RHOJ: variants seen among roughly 807,000 people sequenced by gnomAD.
The protein encoded by RHOJ is rho-related GTP-binding protein RhoJ.
A neutral mutation model predicts 23.4 loss-of-function variants in RHOJ; 11 were observed. That is an observed-to-expected ratio of 0.47 (90% CI 0.30 to 0.78). RHOJ has a LOEUF of 0.78. RHOJ is among the 30% of genes least tolerant of loss of function. RHOJ has a pLI of 0.08. For synonymous variants in RHOJ, 102 were observed against 102.7 expected (o/e 0.99, Z 0.04); for missense variants, 254 against 273.4 (o/e 0.93, Z 0.50).
chr14:63,287,264 G>A (rs1042383645), intron 4 of RHOJ, among the ~76,000 whole-genome samples: 7 of 152,150 alleles, frequency 4.6e-5, no homozygotes, highest in East Asian at 1.9e-4. Flanking sequence ...AGACAAATTC[G>A]AATCTCTGCC....
chr14:63,274,316 T>C lies in RHOJ; in HGVS notation c.237+5148T>C, dbSNP rs181835356. ...AATTTCTTGCTCACGTGTATCTTCA[T>C]GTGGGATTTTCAGGAGTAGGCAATT... On this transcript the variant is annotated intron_variant, in intron 2 of 4. Coordinates refer to ENST00000316754, the MANE Select transcript of RHOJ (RefSeq NM_020663.5). Among the ~76,000 whole-genome samples the C allele has an allele frequency of 4.0e-3, 604 of 152,278 alleles. 1 individual carries two copies. The highest frequency in any genetic ancestry group is 0.01 in the Middle Eastern group (3 of 294).
chr14:63,208,849 C>T (rs556601168), intron 1 of RHOJ, among the ~76,000 whole-genome samples: 4 of 152,194 alleles, frequency 2.6e-5, no homozygotes, highest in East Asian at 3.9e-4. Context: ...TTCATATATC[C>T]GACTATTTGA....
At chr14:63,219,821 A>C (rs1055996859) in intron 1 of RHOJ, among the ~76,000 whole-genome samples, 1 of 152,078 alleles carries the variant, frequency 6.6e-6, no homozygotes, top group African/African-American at 2.4e-5. Context: ...TCTCAAAAAA[A>C]AAAAAAAAAG....
chr14:63,290,838 C>T, intron 4 of RHOJ, 40 bp from the exon 5 acceptor site: 4 of 1,567,792 alleles, frequency 2.6e-6, no homozygotes. Context: ...GCTTTTCTCT[C>T]TTTTTTATCT....
chr14:63,237,810 A>G (rs1383680190), intron 1 of RHOJ, among the ~76,000 whole-genome samples: 1 of 151,282 alleles, frequency 6.6e-6, no homozygotes, highest in Non-Finnish European at 1.5e-5. Context: ...GGATCGTCAG[A>G]CTATCTCCAT....
intron 4 of RHOJ, chr14:63,288,391 G>A (rs1273616201): frequency 1.0e-6 from 1 of 953,672 alleles, no homozygotes; most frequent in East Asian, 1.2e-4. Context: ...CCTTAGTGGA[G>A]AGGTATTCCA....
At chr14:63,235,247 A>T (rs1330234354) in intron 1 of RHOJ, among the ~76,000 whole-genome samples, 1 of 152,154 alleles carries the variant, frequency 6.6e-6, no homozygotes, top group Non-Finnish European at 1.5e-5. Flanking sequence ...AGGAAAAAAA[A>T]GGTGAAGAGA....
At chr14:63,271,311 T>C (rs1402569122) in intron 2 of RHOJ, among the ~76,000 whole-genome samples, 1 of 152,232 alleles carries the variant, frequency 6.6e-6, no homozygotes, top group Non-Finnish European at 1.5e-5. Flanking sequence ...TTTTCACATA[T>C]AATCTCAAGA....
intron 1 of RHOJ, among the ~76,000 whole-genome samples, chr14:63,235,247 A>G (rs1330234354): frequency 6.6e-5 from 10 of 152,154 alleles, no homozygotes; most frequent in Non-Finnish European, 1.5e-5. Context: ...AGGAAAAAAA[A>G]GGTGAAGAGA....
rs1335777631 is a variant in RHOJ, at chr14:63,211,388, C to T, written c.178+6341C>T. ...GCCAACGCACAAGGATCCCTTGAGCCTAGAAGTTCAAAGTTATAATGAGCC... is the reference window on the plus strand; with the variant it reads ...GCCAACGCACAAGGATCCCTTGAGCTTAGAAGTTCAAAGTTATAATGAGCC... On this transcript the variant is annotated intron_variant, in intron 1 of 4. Transcript: ENST00000316754. 3.9e-5 allele frequency among the ~76,000 whole-genome samples: 6 copies of T among 152,056 alleles called. No individual in the cohort carries two copies. In the South Asian group the frequency reaches 1.2e-3, roughly 32 times the overall value.
At chr14:63,276,801 T>C (rs540126620) in intron 2 of RHOJ, among the ~76,000 whole-genome samples, 1 of 152,350 alleles carries the variant, frequency 6.6e-6, no homozygotes, top group Non-Finnish European at 1.5e-5. Context: ...TGATAGCCAC[T>C]GGGTTAAAAA....
intron 1 of RHOJ, among the ~76,000 whole-genome samples, chr14:63,254,798 A>G (rs1344533745): frequency 6.6e-6 from 1 of 152,154 alleles, no homozygotes; most frequent in Non-Finnish European, 1.5e-5. Context: ...ACAGAGAGCA[A>G]CAGTGGGTAC....
intron 1 of RHOJ, among the ~76,000 whole-genome samples, chr14:63,223,488 C>T (rs1045313459): frequency 6.6e-6 from 1 of 152,228 alleles, no homozygotes; most frequent in Non-Finnish European, 1.5e-5. Flanking sequence ...CAGTGTTTCT[C>T]TTACCGGGAG....
chr14:63,237,718 T>C (rs1894814286), intron 1 of RHOJ, among the ~76,000 whole-genome samples: 1 of 152,244 alleles, frequency 6.6e-6, no homozygotes, highest in Non-Finnish European at 1.5e-5. Flanking sequence ...ATGCTGATGA[T>C]AATTTAGCTA....
intron 1 of RHOJ, among the ~76,000 whole-genome samples, chr14:63,259,340 A>AT (rs1895233905): frequency 1.3e-5 from 2 of 152,174 alleles, no homozygotes; most frequent in South Asian, 4.1e-4. Context: ...GGAGCCAAAT[A>AT]TGCACAAGGC....
chr14:63,258,671 T>C (rs1305641412), intron 1 of RHOJ, among the ~76,000 whole-genome samples: 1 of 152,158 alleles, frequency 6.6e-6, no homozygotes, highest in Non-Finnish European at 1.5e-5. Flanking sequence ...GAAAGGAGAC[T>C]AAACCCTTTA....
At chr14:63,278,668 G>A (rs1031849872) in intron 2 of RHOJ, among the ~76,000 whole-genome samples, 5 of 152,136 alleles carry the variant, frequency 3.3e-5, no homozygotes, top group African/African-American at 9.7e-5. Flanking sequence ...AACTAAACAT[G>A]TGTATGTGGT....
intron 1 of RHOJ, among the ~76,000 whole-genome samples, chr14:63,265,331 T>G (rs2139652045): frequency 6.6e-6 from 1 of 152,342 alleles, no homozygotes; most frequent in South Asian, 2.1e-4. Flanking sequence ...CAGATGGCTG[T>G]GGCTGTGCAG....
chr14:63,211,275 T>A (rs1177784108), intron 1 of RHOJ, among the ~76,000 whole-genome samples: 2 of 152,158 alleles, frequency 1.3e-5, no homozygotes, highest in Non-Finnish European at 2.9e-5. Flanking sequence ...TTCTGCTCAT[T>A]TGGGAAAATT....
Sources: allele counts gnomAD v4.1 joint callset (sites outside exome capture counted in the v4.1 genomes callset), GRCh38; gene constraint gnomAD v4.1.1; transcripts MANE v1.5; gene names NCBI Gene and HGNC (gene_info 2026-07-23, HGNC 2026-07-21).